The following DNM3 variants were observed in gnomAD, a reference collection of about 807,000 sequenced individuals.
The protein encoded by DNM3 is dynamin-3.
DNM3 carries 47 observed loss-of-function variants against 101.6 expected under a neutral mutation model. The observed-to-expected ratio is 0.46, with a 90% CI of 0.37 to 0.59. The LOEUF (loss-of-function observed/expected upper bound fraction) is 0.59. DNM3 is among the 20% of genes least tolerant of loss of function. The pLI is 0.00. For missense variants in DNM3, 849 were observed against 1,085.7 expected, an observed-to-expected ratio of 0.78 and a Z score of 3.06; for synonymous variants, 385 against 387.9, an observed-to-expected ratio of 0.99 and a Z score of 0.09.
chr1:171,914,949 G>A (rs983416520), intron 1 of DNM3, among the ~76,000 whole-genome samples: 1 of 152,142 alleles, frequency 6.6e-6, no homozygotes, highest in Non-Finnish European at 1.5e-5. Context: ...AAGACTCCCA[G>A]AGAAGATGAC....
intron 8 of DNM3, among the ~76,000 whole-genome samples, chr1:172,043,439 G>T (rs1053411311): frequency 2.0e-5 from 3 of 152,120 alleles, no homozygotes; most frequent in Admixed American, 1.3e-4. Context: ...TCTTCGTGTG[G>T]GAGGCAAATG....
rs75924937 is a variant in DNM3 at position 171,964,963 on chromosome 1, A to G, written c.236-22693A>G. Among the ~76,000 whole-genome samples, 1,030 of 151,958 alleles carry G rather than the reference A, an allele frequency of 6.8e-3. 16 individuals are homozygous for G. Among genetic ancestry groups the G allele is most frequent in the African/African-American group, 0.022 (891 of 41,418 alleles). ...ATTTTCTAACCAAGCAGTTTTCTCA[A>G]TTCTCTGTGGACACCAGCTGGGTGT... is the stretch of plus-strand genomic sequence containing the variant. On this transcript the variant is annotated intron_variant, in intron 2 of 20. Transcript: ENST00000627582.
intron 17 of DNM3, among the ~76,000 whole-genome samples, chr1:172,350,118 G>A (rs907853013): frequency 2.0e-5 from 3 of 152,042 alleles, no homozygotes; most frequent in African/African-American, 7.3e-5. Context: ...ATCCTGATAA[G>A]CCTACTAGGC....
chr1:172,119,064 C>T (rs1457628564), intron 13 of DNM3, among the ~76,000 whole-genome samples: 1 of 151,404 alleles, frequency 6.6e-6, no homozygotes, highest in Admixed American at 6.6e-5. Flanking sequence ...GCAATCTTGG[C>T]TCACCACAAC....
intron 7 of DNM3, 127 bp downstream of exon 7, chr1:172,038,588 A>G (rs1217386098): frequency 3.3e-6 from 4 of 1,199,094 alleles, no homozygotes; most frequent in East Asian, 2.4e-5. Context: ...TCTATATGAT[A>G]CAAGATAACT....
At chr1:172,038,179 A>G (rs2049105063) in intron 6 of DNM3, 140 bp from the exon 7 acceptor site, 1 of 1,074,326 alleles carries the variant, frequency 9.3e-7, no homozygotes, top group East Asian at 2.6e-5. Flanking sequence ...CATAATAGTC[A>G]ATGTCAAATG....
At chr1:172,194,526 T>G (rs565291702) in intron 14 of DNM3, among the ~76,000 whole-genome samples, 1 of 152,154 alleles carries the variant, frequency 6.6e-6, no homozygotes, top group Non-Finnish European at 1.5e-5. Context: ...AGGACTTGCT[T>G]TATGAATCTG....
intron 2 of DNM3, among the ~76,000 whole-genome samples, chr1:171,953,175 C>A (rs112758003): frequency 5.3e-5 from 8 of 152,312 alleles, no homozygotes; most frequent in African/African-American, 1.9e-4. Flanking sequence ...CTAGTTCTTG[C>A]AGATTTATTT....
intron 17 of DNM3, among the ~76,000 whole-genome samples, chr1:172,335,305 G>T (rs1406241288): frequency 6.6e-6 from 1 of 152,050 alleles, no homozygotes; most frequent in Non-Finnish European, 1.5e-5. Flanking sequence ...TTTACACTTT[G>T]ATTTTCTTCA....
Position 172,412,102 on chromosome 1 carries a change from A to C in DNM3, c.*4261A>C, listed in dbSNP as rs2071243190. 3.0e-6 allele frequency: 3 copies of C among 985,670 alleles called. No homozygotes were observed. Among genetic ancestry groups the C allele is most frequent in the Non-Finnish European group, 3.6e-6 (3 of 829,808 alleles). The allele number at this position is 985,670 out of a possible 1,614,324, so 61.1% of individuals were successfully genotyped here. On this transcript the variant is annotated 3_prime_UTR_variant, in exon 21 of 21. Transcript: ENST00000627582. ...ATGTGTGTATGTGTGAGAGCAAGAG[A>C]GAGGAAACTCAAAGAGGAGTGTTTG...
chr1:171,976,723 A>G (rs2044400514), intron 2 of DNM3, among the ~76,000 whole-genome samples: 1 of 152,230 alleles, frequency 6.6e-6, no homozygotes, highest in African/African-American at 2.4e-5. Context: ...ATAAAATTAC[A>G]TACTCATAGA....
intron 4 of DNM3, among the ~76,000 whole-genome samples, chr1:172,032,083 G>T (rs1169171574): frequency 6.6e-6 from 1 of 151,910 alleles, no homozygotes; most frequent in Non-Finnish European, 1.5e-5. Flanking sequence ...GAGAACTTAG[G>T]AGCAAAATGA....
chr1:172,414,707 C>T (rs1042216993), downstream of DNM3, among the ~76,000 whole-genome samples: 67 of 146,638 alleles, frequency 4.6e-4, no homozygotes, highest in African/African-American at 1.7e-3. Flanking sequence ...CAGTTCAGCC[C>T]AAGAGTTTGA....
intron 15 of DNM3, among the ~76,000 whole-genome samples, chr1:172,263,825 A>G (rs1366012389): frequency 6.6e-6 from 1 of 152,110 alleles, no homozygotes; most frequent in African/African-American, 2.4e-5. Context: ...AAAATATAAG[A>G]TGTTTTCTTG....
At chr1:172,231,140 C>A (rs1236424211) in intron 14 of DNM3, among the ~76,000 whole-genome samples, 1 of 145,976 alleles carries the variant, frequency 6.9e-6, no homozygotes, top group Non-Finnish European at 1.5e-5. Flanking sequence ...CTGGGGGGTG[C>A]CTCCCAGTTA....
chr1:172,045,130 G>C (rs770152734), intron 9 of DNM3, among the ~76,000 whole-genome samples: 1 of 146,942 alleles, frequency 6.8e-6, no homozygotes, highest in African/African-American at 2.5e-5. Context: ...CTGGCTTGAG[G>C]AATGCAGTCA....
intron 4 of DNM3, among the ~76,000 whole-genome samples, chr1:172,010,617 T>C (rs866316353): frequency 0.018 from 2,286 of 126,130 alleles, 54 homozygotes; most frequent in African/African-American, 0.07. Context: ...ATGGCTATTT[T>C]TTTTTTTTTT....
chr1:172,346,527 A>G (rs1310656261), intron 17 of DNM3, among the ~76,000 whole-genome samples: 1 of 152,210 alleles, frequency 6.6e-6, no homozygotes, highest in African/African-American at 2.4e-5. Context: ...GTGAGTAAGT[A>G]TATTAGGATG....
At chr1:172,101,717 C>A (rs1315479241) in intron 13 of DNM3, among the ~76,000 whole-genome samples, 1 of 151,966 alleles carries the variant, frequency 6.6e-6, no homozygotes, top group Non-Finnish European at 1.5e-5. Flanking sequence ...CACCAGGATT[C>A]AAATCTTAAT....
Sources: gnomAD v4.1 joint callset for allele counts (sites outside exome capture counted in the v4.1 genomes callset) on GRCh38, gnomAD v4.1.1 for gene constraint, MANE v1.5 for transcripts, NCBI Gene and HGNC (gene_info 2026-07-23, HGNC 2026-07-21) for gene names.